SPINK5: variants seen among roughly 807,000 people sequenced by gnomAD.
SPINK5 encodes serine peptidase inhibitor Kazal type 5.
Under a neutral mutation model 151.8 loss-of-function variants are expected in SPINK5, and 125 were observed. That is an observed-to-expected ratio of 0.82 (90% CI 0.71 to 0.96). SPINK5 has a LOEUF of 0.96. Among genes scored for constraint, SPINK5 ranks in the 40% least tolerant of loss-of-function variants. The probability of loss-of-function intolerance (pLI) is 0.00; values close to 1 mark genes in which losing one functional copy is unlikely to be tolerated. For missense variants in SPINK5, 1,194 were observed against 1,291.9 expected, an observed-to-expected ratio of 0.92 and a Z score of 1.16; for synonymous variants, 374 against 395.3, an observed-to-expected ratio of 0.95 and a Z score of 0.64.
At position 148,120,379 on chromosome 5, in the gene SPINK5, C is replaced by G. The variant is rs765337620; in HGVS notation, c.2526C>G (p.Ser842Arg). ...TGERSNTGERSNDKEDLCREF... is the reference protein window; with the variant it reads ...TGERSNTGERRNDKEDLCREF... The stretch of plus-strand genomic sequence containing the variant: ...AAAGGAGCAATACAGGAGAAAGGAG[C>G]AATGACAAAGAGGTAATAGATGTTA... The change falls in exon 26 of 33, where the codon AGC becomes AGG. Residue 842 changes from serine (S) to arginine (R), a missense_variant. Transcript: ENST00000256084. 8 of 1,598,870 alleles carry G rather than the reference C, an allele frequency of 5.0e-6. No individual in the cohort carries two copies. The highest frequency in any genetic ancestry group is 6.8e-6 in the Non-Finnish European group (8 of 1,171,758).
At chr5:148,071,550 A>G (rs1752738125) in intron 3 of SPINK5, among the ~76,000 whole-genome samples, 1 of 152,150 alleles carries the variant, frequency 6.6e-6, no homozygotes, top group Non-Finnish European at 1.5e-5. Context: ...TATGAATATA[A>G]TAAATTTACT....
Position 148,111,803 on chromosome 5 carries a change from T to C in SPINK5, c.1728T>C (p.Asn576=). ...GTGAATATCGTCATTATGTGAGGAA[T>C]GGACGACTCCCCTGTACCAGAGAGA... ...LCSEYRHYVR[N]GRLPCTREND... Residue 576 remains asparagine (N), a synonymous_variant, in exon 19 of 33, where the codon AAT becomes AAC. Transcript: ENST00000256084. 1 of 1,614,078 alleles carries C rather than the reference T, an allele frequency of 6.2e-7. No homozygotes were observed. The highest frequency in any genetic ancestry group is 8.5e-7 in the Non-Finnish European group (1 of 1,179,956).
chr5:148,097,933 C>T lies in SPINK5; in HGVS notation c.949C>T (p.Pro317Ser). 1 of 1,612,226 alleles carries T rather than the reference C, an allele frequency of 6.2e-7. No individual in the cohort carries two copies. Among genetic ancestry groups the T allele is most frequent in the East Asian group, 2.2e-5 (1 of 44,782 alleles). Residue 317 changes from proline to serine, a missense_variant, in exon 11 of 33, where the codon CCT (proline) becomes TCT (serine). Coordinates refer to ENST00000256084, the MANE Select transcript of SPINK5 (RefSeq NM_006846.4). ...GILFCTREND[P>S]IRGPDGKMHG... ...ACTTTTCTGTACCAGAGAAAATGAC[C>T]CTATTCGTGGTCCAGATGGGAAAAT...
chr5:148,125,600 C>T (rs750859748), intron 28 of SPINK5, 123 bp from the exon 29 acceptor site: 1 of 1,614,144 alleles, frequency 6.2e-7, no homozygotes, highest in Admixed American at 1.7e-5. Flanking sequence ...GCCTCTGTTG[C>T]CAGGATGAGT....
chr5:148,094,427 G>A lies in SPINK5; in HGVS notation c.740G>A (p.Arg247His), dbSNP rs539094987. The change falls in exon 9 of 33, where the codon CGT (arginine) becomes CAT (histidine). Residue 247 changes from arginine to histidine, a missense_variant. Physicochemically the swap from Arg to His is conservative, Grantham distance 29 (BLOSUM62 0). Coordinates refer to ENST00000256084, the MANE Select transcript of SPINK5 (RefSeq NM_006846.4). ...LFCTRESDPV[R>H]GPDGRMHGNK... ...TGTACACGGGAGAGTGATCCAGTCCGTGGCCCTGACGGCAGGATGCATGGC... is the reference window on the plus strand; with the variant it reads ...TGTACACGGGAGAGTGATCCAGTCCATGGCCCTGACGGCAGGATGCATGGC... 9.3e-6 allele frequency: 15 copies of A among 1,612,854 alleles called. No homozygotes were observed. Among genetic ancestry groups the A allele is most frequent in the Admixed American group, 8.3e-5 (5 of 59,914 alleles).
In SPINK5 at chr5:148,088,441, G is replaced by A. The variant is rs78661210; in HGVS notation, c.411-101G>A. On this transcript the variant is annotated intron_variant, in intron 5 of 32. Transcript: ENST00000256084. ...ATAATACTATGTGGCAGCTGTTTTCGGGAGTAAAGGAGAATGACAATGCAA... is the reference window on the plus strand; with the variant it reads ...ATAATACTATGTGGCAGCTGTTTTCAGGAGTAAAGGAGAATGACAATGCAA... 547 of 1,005,834 alleles carry A rather than the reference G, an allele frequency of 5.4e-4. 6 individuals carry two copies. In the East Asian group the frequency reaches 0.012, roughly 23 times the overall value. The allele number at this position is 1,005,834 out of a possible 1,614,324, so 62.3% of individuals were successfully genotyped here.
intron 30 of SPINK5, among the ~76,000 whole-genome samples, chr5:148,128,604 CT>C (rs1458859825): frequency 6.6e-6 from 1 of 152,146 alleles, no homozygotes; most frequent in Non-Finnish European, 1.5e-5. Flanking sequence ...TCTCGGCTCA[CT>C]GCAAGCTCCG....
intron 26 of SPINK5, among the ~76,000 whole-genome samples, chr5:148,122,870 T>TTTC (rs1554106719): frequency 8.7e-6 from 1 of 115,524 alleles, no homozygotes; most frequent in Non-Finnish European, 1.9e-5. Flanking sequence ...ACAATAATTT[T>TTTC]TTTTTTTTTT....
intron 32 of SPINK5, 147 bp downstream of exon 32, chr5:148,134,034 T>C: frequency 1.3e-6 from 1 of 756,632 alleles, no homozygotes; most frequent in Non-Finnish European, 2.3e-6. Context: ...ACATTTTCAC[T>C]ATAAGGATAA....
At chr5:148,123,730 T>A in intron 26 of SPINK5, 103 bp from the exon 27 acceptor site, 1 of 1,520,796 alleles carries the variant, frequency 6.6e-7, no homozygotes, top group Non-Finnish European at 9.0e-7. Flanking sequence ...CACTTCTCTG[T>A]TTTTTTCCTG....
At position 148,072,331 on chromosome 5, in the gene SPINK5, C is replaced by T. The variant is rs1414878715; in HGVS notation, c.282+111C>T. Reference sequence around the variant, plus strand: ...GTCATACCTGTTTTGAAGCCAACAACTTAGGAGGGAGGGAACATGGGTTAG... The same window carrying T: ...GTCATACCTGTTTTGAAGCCAACAATTTAGGAGGGAGGGAACATGGGTTAG... On this transcript the variant is annotated intron_variant, in intron 4 of 32. Coordinates refer to ENST00000256084, the MANE Select transcript of SPINK5 (RefSeq NM_006846.4). 10 of 1,137,666 alleles carry T rather than the reference C, an allele frequency of 8.8e-6. No homozygotes were observed. In the African/African-American group the frequency reaches 1.2e-4, roughly 14 times the overall value. The allele number at this position is 1,137,666 out of a possible 1,614,324, so 70.5% of individuals were successfully genotyped here.
chr5:148,086,126 GAAC>G (rs1306874496), intron 4 of SPINK5, among the ~76,000 whole-genome samples: 2 of 151,846 alleles, frequency 1.3e-5, no homozygotes, highest in Admixed American at 1.3e-4. Context: ...TTGGACAGAC[GAAC>G]AACATGCCAA....
intron 29 of SPINK5, among the ~76,000 whole-genome samples, 189 bp downstream of exon 29, chr5:148,126,039 C>T (rs1203500090): frequency 6.6e-6 from 1 of 152,082 alleles, no homozygotes; most frequent in East Asian, 1.9e-4. Flanking sequence ...ACAAAAATTC[C>T]GTATGTAAGT....
chr5:148,122,866 ATTT>A (rs111936279), intron 26 of SPINK5, among the ~76,000 whole-genome samples: 3 of 127,846 alleles, frequency 2.3e-5, no homozygotes, highest in Non-Finnish European at 4.8e-5. Context: ...TCGCACAATA[ATTT>A]TTTTTTTTTT....
intron 15 of SPINK5, among the ~76,000 whole-genome samples, chr5:148,103,821 T>C (rs1753710902): frequency 1.3e-5 from 2 of 152,332 alleles, no homozygotes; most frequent in South Asian, 4.1e-4. Flanking sequence ...AGTTTTAGTT[T>C]GATCTATGTG....
At chr5:148,108,963 G>A (rs1753851188) in intron 18 of SPINK5, 126 bp downstream of exon 18, 3 of 1,516,470 alleles carry the variant, frequency 2.0e-6, no homozygotes, top group Non-Finnish European at 2.7e-6. Flanking sequence ...AATGTGTTTG[G>A]ATCCCCATAT....
chr5:148,101,203 G>T (rs1410812311), intron 13 of SPINK5, 152 bp from the exon 14 acceptor site: 1 of 655,162 alleles, frequency 1.5e-6, no homozygotes, highest in East Asian at 2.8e-5. Flanking sequence ...TAATGCAATT[G>T]TGAGGATTTC....
At chr5:148,090,310 A>G (rs902912887) in intron 7 of SPINK5, among the ~76,000 whole-genome samples, 1 of 151,890 alleles carries the variant, frequency 6.6e-6, no homozygotes, top group Admixed American at 6.6e-5. Flanking sequence ...ATTAGCAAAC[A>G]AACGTCACAC....
At chr5:148,104,845 G>C in intron 15 of SPINK5, 107 bp from the exon 16 acceptor site, 3 of 1,002,320 alleles carry the variant, frequency 3.0e-6, no homozygotes, top group Non-Finnish European at 4.4e-6. Context: ...GCAGTGAGCC[G>C]AGATCGCGCC....
Sources: gnomAD v4.1 joint callset for allele counts (sites outside exome capture counted in the v4.1 genomes callset) on GRCh38, gnomAD v4.1.1 for gene constraint, MANE v1.5 for transcripts, NCBI Gene and HGNC (gene_info 2026-07-23, HGNC 2026-07-21) for gene names.